Variants in DPY30 observed in about 807,000 individuals in gnomAD.
DPY30 encodes the protein protein dpy-30 homolog.
Under a neutral mutation model 16.2 loss-of-function variants are expected in DPY30, and 6 were observed. The observed-to-expected ratio is 0.37, with a 90% CI of 0.20 to 0.73. DPY30 has a LOEUF of 0.73. DPY30 is among the 30% of genes least tolerant of loss of function. The pLI, the probability that DPY30 is intolerant of heterozygous loss-of-function variation, is 0.51. For missense variants in DPY30, 73 were observed against 113.1 expected (o/e 0.65, Z 1.61); for synonymous variants, 39 against 38.8 (o/e 1.00, Z -0.02).
chr2:32,034,034 C>G (rs1279266189), intron 3 of DPY30, among the ~76,000 whole-genome samples: 1 of 151,920 alleles, frequency 6.6e-6, no homozygotes, highest in Non-Finnish European at 1.5e-5. Context: ...GTTGAGAAGA[C>G]AGTTGAAAAT....
chr2:32,037,936 T>C (rs934111326), intron 3 of DPY30, among the ~76,000 whole-genome samples: 8 of 151,894 alleles, frequency 5.3e-5, no homozygotes, highest in African/African-American at 1.9e-4. Context: ...ACAGTAATAA[T>C]AGTAATAGCT....
At chr2:32,039,608 C>T (rs1329398863) in intron 1 of DPY30, 116 bp from the exon 2 acceptor site, 6 of 944,154 alleles carry the variant, frequency 6.4e-6, no homozygotes, top group Non-Finnish European at 9.7e-6. Context: ...CGCGGGAGCA[C>T]CACGAGCAGT....
intron 5 of DPY30, among the ~76,000 whole-genome samples, chr2:32,018,263 T>C (rs1675100178): frequency 6.6e-6 from 1 of 152,112 alleles, no homozygotes; most frequent in Non-Finnish European, 1.5e-5. Context: ...TTCTTAAAGG[T>C]CTAAACCTTA....
chr2:32,012,719 T>A (rs947903150), intron 5 of DPY30, among the ~76,000 whole-genome samples: 1 of 152,142 alleles, frequency 6.6e-6, no homozygotes, highest in Admixed American at 6.6e-5. Context: ...ATTACAGGCA[T>A]GAGCCATCGC....
chr2:32,030,165 T>TTA (rs1675481046), intron 3 of DPY30, among the ~76,000 whole-genome samples: 1 of 152,068 alleles, frequency 6.6e-6, no homozygotes, highest in Admixed American at 6.6e-5. Context: ...GGTCCAAGGC[T>TTA]TATACACTCA....
At chr2:32,026,567 G>C (rs1675338617) in intron 4 of DPY30, among the ~76,000 whole-genome samples, 1 of 152,214 alleles carries the variant, frequency 6.6e-6, no homozygotes, top group African/African-American at 2.4e-5. Flanking sequence ...GAGGCAGGCA[G>C]ATCACCTGAA....
At chr2:32,018,101 T>C (rs955029685) in intron 5 of DPY30, among the ~76,000 whole-genome samples, 2 of 152,120 alleles carry the variant, frequency 1.3e-5, no homozygotes, top group African/African-American at 4.8e-5. Context: ...ACCCAATCTA[T>C]AGTATTTTGT....
chr2:32,030,466 T>C (rs748201048), intron 3 of DPY30, among the ~76,000 whole-genome samples: 23 of 151,572 alleles, frequency 1.5e-4, no homozygotes, highest in Non-Finnish European at 2.7e-4. Flanking sequence ...CCATCTCTAT[T>C]AAAAATACAA....
intron 4 of DPY30, 61 bp downstream of exon 4, chr2:32,029,533 C>G: frequency 6.3e-7 from 1 of 1,584,302 alleles, no homozygotes; most frequent in East Asian, 2.2e-5. Context: ...TATGATATTT[C>G]AGATAGGGGA....
At chr2:32,019,686 G>C (rs1675133798), downstream of DPY30, among the ~76,000 whole-genome samples, 2 of 151,338 alleles carry the variant, frequency 1.3e-5, no homozygotes, top group South Asian at 4.2e-4. Flanking sequence ...TGGGTGTGGT[G>C]GTGTGCGCCT....
At chr2:32,038,519 C>T (rs1675840365) in intron 3 of DPY30, among the ~76,000 whole-genome samples, 2 of 151,664 alleles carry the variant, frequency 1.3e-5, no homozygotes. Context: ...TCCCCAGCTC[C>T]AGCAATACTC....
intron 4 of DPY30, among the ~76,000 whole-genome samples, chr2:32,027,779 C>T (rs555532991): frequency 6.6e-6 from 1 of 151,866 alleles, no homozygotes; most frequent in Admixed American, 6.6e-5. Flanking sequence ...CAGGCACCTG[C>T]CACCACGCCC....
At chr2:32,017,063 C>T (rs1319675085) in intron 5 of DPY30, among the ~76,000 whole-genome samples, 2 of 151,492 alleles carry the variant, frequency 1.3e-5, no homozygotes, top group African/African-American at 2.4e-5. Context: ...TTGTATTTTT[C>T]GTAGAGACAG....
At chr2:32,022,773 C>T (rs1675214174), downstream of DPY30, among the ~76,000 whole-genome samples, 1 of 151,990 alleles carries the variant, frequency 6.6e-6, no homozygotes, top group African/African-American at 2.4e-5. Flanking sequence ...GCCTCGGCCT[C>T]CCAAAGTGCT....
At chr2:32,023,636 G>C (rs1025702743), downstream of DPY30, 2 of 944,960 alleles carry the variant, frequency 2.1e-6, no homozygotes, top group Non-Finnish European at 3.0e-6. Flanking sequence ...CCTTTGCAAT[G>C]CTTTTATTAG....
chr2:32,029,466 C>T, intron 4 of DPY30, 128 bp downstream of exon 4: 1 of 1,130,880 alleles, frequency 8.8e-7, no homozygotes, highest in Non-Finnish European at 1.2e-6. Flanking sequence ...TGGCTGAATA[C>T]TTTCTTAAAA....
At chr2:32,035,802 C>G (rs1432356433) in intron 3 of DPY30, among the ~76,000 whole-genome samples, 1 of 151,220 alleles carries the variant, frequency 6.6e-6, no homozygotes, top group Non-Finnish European at 1.5e-5. Flanking sequence ...GGCATGGTAG[C>G]GGGTGCCTAT....
downstream of DPY30, among the ~76,000 whole-genome samples, chr2:32,023,025 G>A (rs1190055268): frequency 6.6e-6 from 1 of 151,694 alleles, no homozygotes; most frequent in Admixed American, 6.6e-5. Context: ...GATGCCAGTA[G>A]AACCCCACCT....
chr2:32,029,753 A>C lies in DPY30; in HGVS notation c.85-17T>G. ...TACTATTCTCTAGTGAATTCAAAAAAACAGTGCATGAACATTTCAAATAAC... is the reference window on the plus strand; with the variant it reads ...TACTATTCTCTAGTGAATTCAAAAACACAGTGCATGAACATTTCAAATAAC... On this transcript the variant is annotated splice_polypyrimidine_tract_variant and intron_variant, in intron 3 of 4. Transcript: ENST00000342166. The C allele has an allele frequency of 2.5e-6, 4 of 1,613,806 alleles. No homozygotes were observed. Among genetic ancestry groups the C allele is most frequent in the Non-Finnish European group, 1.7e-6 (2 of 1,179,776 alleles).
Sources: allele counts gnomAD v4.1 joint callset (sites outside exome capture counted in the v4.1 genomes callset), GRCh38; gene constraint gnomAD v4.1.1; transcripts MANE v1.5; gene names NCBI Gene and HGNC (gene_info 2026-07-23, HGNC 2026-07-21).